ARHGAP18: variants seen among roughly 807,000 people sequenced by gnomAD.
The protein encoded by ARHGAP18 is rho GTPase-activating protein 18.
In ARHGAP18, 67 loss-of-function variants were observed where a neutral mutation model predicts 86.2. The ratio of observed to expected loss-of-function variants is 0.78; its 90% CI spans 0.64 to 0.95. The LOEUF is 0.95. Ranked by LOEUF, ARHGAP18 falls within the 40% of genes least tolerant of loss-of-function variation. The pLI, the probability that ARHGAP18 is intolerant of heterozygous loss-of-function variation, is 0.00. For missense variants in ARHGAP18, 691 were observed against 780.4 expected (o/e 0.89, Z 1.37); for synonymous variants, 283 against 280.4 (o/e 1.01, Z -0.09).
rs780165684 is a variant in ARHGAP18, at chr6:129,578,588, A to G, written c.1917T>C (p.Asp639=). 3.7e-6 allele frequency: 6 copies of G among 1,611,090 alleles called. No homozygotes were observed. In the South Asian group the frequency reaches 6.6e-5, roughly 18 times the overall value. The change falls in exon 15 of 15, where the codon GAT becomes GAC. Residue 639 remains aspartate (D), a synonymous_variant. Transcript: ENST00000368149. The part of the protein sequence containing the change: ...IGGNIGERCL[D]DDTYMKDLYQ... Reference sequence around the variant, plus strand: ...ATAAATCCTTCATGTAAGTGTCATCATCAAGGCAGCGTTCCCCTGTTAAAA... The same window carrying G: ...ATAAATCCTTCATGTAAGTGTCATCGTCAAGGCAGCGTTCCCCTGTTAAAA...
At chr6:129,631,842 A>G (rs1773225321) in intron 4 of ARHGAP18, among the ~76,000 whole-genome samples, 1 of 152,080 alleles carries the variant, frequency 6.6e-6, no homozygotes, top group Non-Finnish European at 1.5e-5. Flanking sequence ...ATAAAAGTTT[A>G]AAAAATTATT....
intron 4 of ARHGAP18, among the ~76,000 whole-genome samples, chr6:129,630,609 A>T (rs1773181137): frequency 6.6e-6 from 1 of 152,248 alleles, no homozygotes; most frequent in Non-Finnish European, 1.5e-5. Flanking sequence ...TAATGTTTAT[A>T]TTCATTTACA....
intron 13 of ARHGAP18, among the ~76,000 whole-genome samples, chr6:129,582,153 G>C (rs1412422989): frequency 6.9e-6 from 1 of 145,778 alleles, no homozygotes; most frequent in East Asian, 1.9e-4. Context: ...GGAAGAGCGG[G>C]ATGAAGATAC....
intron 1 of ARHGAP18, among the ~76,000 whole-genome samples, chr6:129,653,863 T>C (rs1165736986): frequency 6.7e-6 from 1 of 149,640 alleles, no homozygotes; most frequent in Non-Finnish European, 1.5e-5. Flanking sequence ...GGCAACATAG[T>C]GAGACATTGT....
chr6:129,665,434 C>T (rs1774018969), intron 1 of ARHGAP18, among the ~76,000 whole-genome samples: 1 of 152,122 alleles, frequency 6.6e-6, no homozygotes, highest in African/African-American at 2.4e-5. Flanking sequence ...CCTGTAGTCA[C>T]AGCTACTCAG....
At chr6:129,620,068 G>A (rs1166136286) in intron 5 of ARHGAP18, among the ~76,000 whole-genome samples, 1 of 152,110 alleles carries the variant, frequency 6.6e-6, no homozygotes, top group Non-Finnish European at 1.5e-5. Context: ...GCTACTGCAG[G>A]TTGAGTACAC....
intron 6 of ARHGAP18, 143 bp from the exon 7 acceptor site, chr6:129,616,446 A>G (rs780589462): frequency 3.9e-5 from 25 of 640,472 alleles, no homozygotes; most frequent in Non-Finnish European, 6.5e-5. Flanking sequence ...GCATCTCAAC[A>G]TTATATATAT....
chr6:129,612,517 T>G (rs1240641606), intron 7 of ARHGAP18, among the ~76,000 whole-genome samples: 1 of 152,060 alleles, frequency 6.6e-6, no homozygotes, highest in East Asian at 1.9e-4. Flanking sequence ...ACTATAATAT[T>G]CTCTGCATGC....
At chr6:129,625,924 AT>A in intron 5 of ARHGAP18, among the ~76,000 whole-genome samples, 1 of 100,998 alleles carries the variant, frequency 9.9e-6, no homozygotes, top group African/African-American at 4.0e-5. Context: ...TATTATAGAT[AT>A]TTATATATTA....
intron 6 of ARHGAP18, 107 bp downstream of exon 6, chr6:129,618,580 G>A: frequency 1.9e-6 from 2 of 1,072,430 alleles, no homozygotes; most frequent in South Asian, 1.7e-5. Context: ...TCAAGTGTTG[G>A]TTTATTTTGC....
chr6:129,588,009 T>C (rs899618093), intron 12 of ARHGAP18, among the ~76,000 whole-genome samples: 4 of 151,916 alleles, frequency 2.6e-5, no homozygotes, highest in African/African-American at 9.7e-5. Context: ...CCAGATACAA[T>C]GGGGGTACAG....
chr6:129,613,062 T>C (rs1216069597), intron 7 of ARHGAP18, among the ~76,000 whole-genome samples: 1 of 151,590 alleles, frequency 6.6e-6, no homozygotes, highest in Non-Finnish European at 1.5e-5. Flanking sequence ...TGAAACCCCG[T>C]CTCTACTAAA....
At chr6:129,658,422 G>GAA (rs35817569) in intron 1 of ARHGAP18, among the ~76,000 whole-genome samples, 18 of 146,226 alleles carry the variant, frequency 1.2e-4, no homozygotes, top group Middle Eastern at 3.5e-3. Context: ...ACCTCAAATG[G>GAA]AAAAAAAAAA....
chr6:129,698,849 T>G (rs1774665696), intron 1 of ARHGAP18, among the ~76,000 whole-genome samples: 1 of 152,012 alleles, frequency 6.6e-6, no homozygotes, highest in African/African-American at 2.4e-5. Context: ...TGCACCACCA[T>G]GCCAGACTAA....
chr6:129,697,396 G>A (rs1258089587), intron 1 of ARHGAP18, among the ~76,000 whole-genome samples: 1 of 151,930 alleles, frequency 6.6e-6, no homozygotes, highest in Non-Finnish European at 1.5e-5. Context: ...TCAGGATAGG[G>A]GTCACACACT....
chr6:129,698,874 G>C (rs936836448), intron 1 of ARHGAP18, among the ~76,000 whole-genome samples: 1 of 151,986 alleles, frequency 6.6e-6, no homozygotes, highest in Non-Finnish European at 1.5e-5. Flanking sequence ...TTTATTTTTA[G>C]TAGAGACGGG....
chr6:129,649,422 C>T (rs144458718), intron 1 of ARHGAP18, among the ~76,000 whole-genome samples: 15,329 of 151,704 alleles, frequency 0.1, 1,127 homozygotes, highest in African/African-American at 0.21. Context: ...GGTGTAGTGG[C>T]GCACGCCTGT....
intron 1 of ARHGAP18, among the ~76,000 whole-genome samples, chr6:129,655,325 AAAAAAAAAAAAAAAAAG>A (rs1773806990): frequency 9.5e-6 from 1 of 105,664 alleles, no homozygotes; most frequent in Non-Finnish European, 2.1e-5. Context: ...CTCAAAAAAA[AAAAAAAAAAAAAAAAAG>A]AAAAGAAAAG....
At chr6:129,653,260 TA>T (rs1190807101) in intron 1 of ARHGAP18, among the ~76,000 whole-genome samples, 1 of 152,158 alleles carries the variant, frequency 6.6e-6, no homozygotes, top group Non-Finnish European at 1.5e-5. Context: ...TTAGAAAATA[TA>T]AATGGAGAAG....
Sources: allele counts gnomAD v4.1 joint callset (sites outside exome capture counted in the v4.1 genomes callset), GRCh38; gene constraint gnomAD v4.1.1; transcripts MANE v1.5; gene names NCBI Gene and HGNC (gene_info 2026-07-23, HGNC 2026-07-21).